The following MFHAS1 variants were observed in gnomAD, a reference collection of about 807,000 sequenced individuals.
The protein encoded by MFHAS1 is multifunctional ROCO family signaling regulator 1.
In MFHAS1, 50 loss-of-function variants were observed where a neutral mutation model predicts 70.4. The ratio of observed to expected loss-of-function variants is 0.71; its 90% CI spans 0.57 to 0.90. MFHAS1 has a LOEUF of 0.90. MFHAS1 is among the 40% of genes least tolerant of loss of function. The pLI is 0.00. For synonymous variants in MFHAS1, 952 were observed against 620.0 expected, an observed-to-expected ratio of 1.54 and a Z score of -7.96; for missense variants, 1,795 against 1,347.6, an observed-to-expected ratio of 1.33 and a Z score of -5.20.
chr8:8,885,923 G>A (rs1809734527), intron 1 of MFHAS1, among the ~76,000 whole-genome samples: 1 of 152,162 alleles, frequency 6.6e-6, no homozygotes, highest in African/African-American at 2.4e-5. Context: ...GGTTGACCAG[G>A]CTAGGATGTT....
intron 1 of MFHAS1, among the ~76,000 whole-genome samples, chr8:8,842,917 T>C (rs2116856752): frequency 6.6e-6 from 1 of 152,264 alleles, no homozygotes; most frequent in South Asian, 2.1e-4. Flanking sequence ...ATTTACAAAT[T>C]AGCATGGTTT....
intron 1 of MFHAS1, among the ~76,000 whole-genome samples, chr8:8,828,265 C>T (rs909103967): frequency 6.6e-6 from 1 of 152,204 alleles, no homozygotes; most frequent in Non-Finnish European, 1.5e-5. Flanking sequence ...CATGGAGCAA[C>T]AGGAACTGTT....
chr8:8,824,517 T>C (rs1807080994), intron 1 of MFHAS1, among the ~76,000 whole-genome samples: 1 of 127,078 alleles, frequency 7.9e-6, no homozygotes, highest in Non-Finnish European at 1.7e-5. Context: ...TCTTTCTCTC[T>C]CTTTCACACA....
chr8:8,811,325 T>TTG (rs1438176424), intron 1 of MFHAS1, among the ~76,000 whole-genome samples: 3 of 151,752 alleles, frequency 2.0e-5, no homozygotes, highest in African/African-American at 7.3e-5. Context: ...TTTTTTTTTT[T>TTG]GAGATAGGGT....
chr8:8,789,269 G>A (rs1172215511), intron 2 of MFHAS1, among the ~76,000 whole-genome samples: 2 of 152,200 alleles, frequency 1.3e-5, no homozygotes, highest in African/African-American at 4.8e-5. Context: ...GAAAGCAGAG[G>A]AAGGCAATGA....
In MFHAS1 at chr8:8,892,128, C is replaced by G. The variant is rs771481546; in HGVS notation, c.931G>C (p.Val311Leu). ...CCCAGGCCCGAGATAAGGGATGGCA[C>G]CGAGGTGAGCTGGTTGCGACTAAGG... The part of the protein sequence containing the change: ...LYLSRNQLTS[V>L]PSLISGLGRL... The change falls in exon 1 of 3, where the codon GTG (valine) becomes CTG (leucine). Residue 311 changes from valine (V) to leucine (L), a missense_variant. Coordinates refer to ENST00000276282, the MANE Select transcript of MFHAS1 (RefSeq NM_004225.3). This position sits in a 1 kb window ranked among gnomAD's most constrained non-coding sequence, Gnocchi z 4.7. 2 of 1,612,362 alleles carry G rather than the reference C, an allele frequency of 1.2e-6. No homozygotes were observed. Among genetic ancestry groups the G allele is most frequent in the Non-Finnish European group, 1.7e-6 (2 of 1,180,036 alleles).
intron 1 of MFHAS1, among the ~76,000 whole-genome samples, chr8:8,879,572 G>A (rs1484427870): frequency 6.6e-6 from 1 of 152,150 alleles, no homozygotes; most frequent in African/African-American, 2.4e-5. Context: ...TACATCTGAA[G>A]GAAATTCAAA....
intron 1 of MFHAS1, among the ~76,000 whole-genome samples, chr8:8,870,020 T>C (rs1039562179): frequency 3.3e-5 from 5 of 152,118 alleles, no homozygotes; most frequent in South Asian, 2.1e-4. Context: ...AAATGGAAAT[T>C]TGACATTTCC....
chr8:8,881,978 TC>T lies in MFHAS1; in HGVS notation c.2998+8082del, dbSNP rs555036322. Among the ~76,000 whole-genome samples, 430 of 152,174 alleles carry T rather than the reference TC, an allele frequency of 2.8e-3. 4 individuals carry two copies. Among genetic ancestry groups the T allele is most frequent in the African/African-American group, 9.7e-3 (403 of 41,512 alleles). ...CTGCTAAGTGCCCCTTGCCCACTCT[TC>T]CCCCATTTCTGTAAGAATTAGGCGG... On this transcript the variant is annotated intron_variant, in intron 1 of 2. Coordinates refer to ENST00000276282, the MANE Select transcript of MFHAS1 (RefSeq NM_004225.3).
chr8:8,839,568 T>G (rs755138166), intron 1 of MFHAS1, among the ~76,000 whole-genome samples: 10 of 152,230 alleles, frequency 6.6e-5, no homozygotes, highest in Non-Finnish European at 1.2e-4. Context: ...CTCCATTTCT[T>G]ATGTCCACCA....
Position 8,785,736 on chromosome 8 carries a change from A to G in MFHAS1, c.*286T>C. 1 of 334,584 alleles carries G rather than the reference A, an allele frequency of 3.0e-6. No individual in the cohort carries two copies. Among genetic ancestry groups the G allele is most frequent in the Non-Finnish European group, 5.2e-6 (1 of 192,148 alleles). The allele number at this position is 334,584 out of a possible 1,614,324, so 20.7% of individuals were successfully genotyped here. On this transcript the variant is annotated 3_prime_UTR_variant, in exon 3 of 3. Coordinates refer to ENST00000276282, the MANE Select transcript of MFHAS1 (RefSeq NM_004225.3). ...AACAAAATCCCTGAGAAGCCATTCG[A>G]CTTTTTTTTTTTTTTTTTCTTTTCT...
In MFHAS1 at chr8:8,891,294, C is replaced by T. The variant is rs1284139979; in HGVS notation, c.1765G>A (p.Ala589Thr). The T allele has an allele frequency of 6.2e-7, 1 of 1,611,578 alleles. No homozygotes were observed. The highest frequency in any genetic ancestry group is 1.7e-5 in the Admixed American group (1 of 60,028). The part of the protein sequence containing the change: ...ALARDFELRS[A>T]SPHAAYYGVS... ...CCATAGTAGGCTGCGTGGGGGCTGG[C>T]AGAGCGCAGCTCGAAGTCCCGGGCC... The change falls in exon 1 of 3, where the codon GCC becomes ACC. Residue 589 changes from alanine to threonine, a missense_variant. By Grantham distance (58) the Ala-to-Thr change is moderately conservative. Coordinates refer to ENST00000276282, the MANE Select transcript of MFHAS1 (RefSeq NM_004225.3). The surrounding 1 kb of genome is among the most constrained non-coding windows in gnomAD (Gnocchi z 5.4).
chr8:8,812,154 C>A (rs1024390490), intron 1 of MFHAS1, among the ~76,000 whole-genome samples: 8 of 130,298 alleles, frequency 6.1e-5, no homozygotes, highest in Admixed American at 1.9e-4. Context: ...TTGAGGATTA[C>A]ATGGCTCGGA....
chr8:8,856,355 G>C (rs1024764358), intron 1 of MFHAS1, among the ~76,000 whole-genome samples: 2 of 152,186 alleles, frequency 1.3e-5, no homozygotes, highest in Non-Finnish European at 2.9e-5. Context: ...CACAGAAACA[G>C]CACTTGCCCA....
chr8:8,835,252 T>C (rs182814662), intron 1 of MFHAS1, among the ~76,000 whole-genome samples: 59 of 152,272 alleles, frequency 3.9e-4, no homozygotes, highest in African/African-American at 1.4e-3. Flanking sequence ...TATCACACAC[T>C]TAAAAAAATA....
chr8:8,833,635 T>C lies in MFHAS1; in HGVS notation c.2999-36144A>G, dbSNP rs542986498. ...CAGAACAAGACCCTGTCTTTAAGAA[T>C]AAATAAATTAAATCAACAAATAAAC... On this transcript the variant is annotated intron_variant, in intron 1 of 2. Coordinates refer to ENST00000276282, the MANE Select transcript of MFHAS1 (RefSeq NM_004225.3). Among the ~76,000 whole-genome samples the C allele has an allele frequency of 1.8e-3, 270 of 151,886 alleles. 1 individual carries two copies. The highest frequency in any genetic ancestry group is 3.3e-3 in the Non-Finnish European group (227 of 67,936).
In MFHAS1 at chr8:8,892,927, C is replaced by A. The variant is rs1378774618; in HGVS notation, c.132G>T (p.Gly44=). Residue 44 remains glycine, a synonymous_variant, in exon 1 of 3, where the codon GGG becomes GGT. Coordinates refer to ENST00000276282, the MANE Select transcript of MFHAS1 (RefSeq NM_004225.3). This position sits in a 1 kb window ranked among gnomAD's most constrained non-coding sequence, Gnocchi z 4.7. ...AGGCGGGGGACTCGAGCGCGTCGGC[C>A]CCGGCCCCGGGGCAGGCCCCGGCGG... is the stretch of plus-strand genomic sequence containing the variant. ...LTAAGACPGA[G]ADALESPASP... 2 of 1,551,426 alleles carry A rather than the reference C, an allele frequency of 1.3e-6. No individual in the cohort carries two copies. Among genetic ancestry groups the A allele is most frequent in the African/African-American group, 2.8e-5 (2 of 71,162 alleles).
chr8:8,833,927 A>T (rs181182005), intron 1 of MFHAS1, among the ~76,000 whole-genome samples: 67 of 152,260 alleles, frequency 4.4e-4, no homozygotes, highest in African/African-American at 1.6e-3. Context: ...GGAGTTCAAC[A>T]CCTGCCTGGC....
intron 1 of MFHAS1, among the ~76,000 whole-genome samples, chr8:8,797,883 T>A (rs770747874): frequency 6.6e-6 from 1 of 152,120 alleles, no homozygotes; most frequent in Non-Finnish European, 1.5e-5. Flanking sequence ...TAATTAGGAT[T>A]TGGGGCAGAT....
Sources: gnomAD v4.1 joint callset for allele counts (sites outside exome capture counted in the v4.1 genomes callset) on GRCh38, gnomAD v4.1.1 for gene constraint, Gnocchi (gnomAD v3.1) non-coding constraint, MANE v1.5 for transcripts, NCBI Gene and HGNC (gene_info 2026-07-23, HGNC 2026-07-21) for gene names.